Variants in MTARC2 observed in about 807,000 individuals in gnomAD.
MTARC2 encodes mitochondrial amidoxime reducing component 2, also known as MOCO sulphurase C-terminal domain containing 2.
In MTARC2, 27 loss-of-function variants were observed where a neutral mutation model predicts 35.6. The ratio of observed to expected loss-of-function variants is 0.76; its 90% CI spans 0.56 to 1.04. The LOEUF (loss-of-function observed/expected upper bound fraction) is 1.04. Ranked by LOEUF, MTARC2 falls within the 50% of genes least tolerant of loss-of-function variation. MTARC2 has a pLI of 0.00. For synonymous variants in MTARC2, 158 were observed against 167.1 expected (o/e 0.95, Z 0.42); for missense variants, 412 against 432.5 (o/e 0.95, Z 0.42).
At chr1:220,750,486 A>G (rs1486229460) in intron 1 of MTARC2, among the ~76,000 whole-genome samples, 2 of 152,226 alleles carry the variant, frequency 1.3e-5, no homozygotes, top group Non-Finnish European at 2.9e-5. Flanking sequence ...CCATGGAAAG[A>G]AAATACGTGT....
chr1:220,759,447 C>T (rs1021003207), intron 2 of MTARC2, among the ~76,000 whole-genome samples: 2 of 152,034 alleles, frequency 1.3e-5, no homozygotes, highest in African/African-American at 4.8e-5. Context: ...CGATACCATC[C>T]AGTGCAGGGA....
intron 4 of MTARC2, among the ~76,000 whole-genome samples, chr1:220,776,247 G>C (rs1671908317): frequency 1.3e-5 from 2 of 151,602 alleles, no homozygotes. Context: ...GTTCATTGTG[G>C]TTTCGATTTG....
At chr1:220,769,291 A>G (rs545269856) in intron 4 of MTARC2, among the ~76,000 whole-genome samples, 40 of 152,298 alleles carry the variant, frequency 2.6e-4, no homozygotes, top group Admixed American at 2.1e-3. Context: ...CTTTCTTATC[A>G]CTACACCCAG....
chr1:220,757,767 G>T (rs193025257), intron 2 of MTARC2, among the ~76,000 whole-genome samples: 13 of 152,274 alleles, frequency 8.5e-5, no homozygotes, highest in African/African-American at 3.1e-4. Context: ...CACATTGGGG[G>T]TGAGGGTGTC....
intron 4 of MTARC2, among the ~76,000 whole-genome samples, chr1:220,776,142 C>T (rs899543979): frequency 1.3e-5 from 2 of 152,166 alleles, no homozygotes; most frequent in African/African-American, 4.8e-5. Flanking sequence ...ACATTCCTAC[C>T]AACAGTATAT....
At chr1:220,754,487 C>T in intron 1 of MTARC2, 2 of 454,810 alleles carry the variant, frequency 4.4e-6, no homozygotes, top group Admixed American at 4.7e-5. Flanking sequence ...AGCAACATTG[C>T]AAGACCTTTG....
rs994300040 is a variant in MTARC2 at position 220,781,973 on chromosome 1, C to A, written c.*31+41C>A. On this transcript the variant is annotated intron_variant, in intron 7 of 7. Coordinates refer to ENST00000366913, the MANE Select transcript of MTARC2 (RefSeq NM_017898.5). ...TGCTTCTGAATACGCTGTCTTGAAG[C>A]CATTGCTGCATTTTCTTGTGTTAAT... 3.4e-6 allele frequency: 5 copies of A among 1,481,538 alleles called. No individual in the cohort carries two copies. The African/African-American group carries it at 4.2e-5, about 13-fold the overall frequency. 91.8% of individuals were successfully genotyped at this position (1,481,538 alleles called of 1,614,324 possible).
In MTARC2 at chr1:220,754,970, A is replaced by C; in HGVS notation, c.296A>C (p.Asp99Ala). 2.5e-6 allele frequency: 4 copies of C among 1,599,978 alleles called. No homozygotes were observed. Among genetic ancestry groups the C allele is most frequent in the Non-Finnish European group, 3.4e-6 (4 of 1,173,688 alleles). ...RDRFWLVIKE[D>A]GHMVTARQEP... Reference sequence around the variant, plus strand: ...AGGTTTTGGCTGGTGATTAAGGAAGATGGACACATGGTCACTGCCCGACAG... The same window carrying C: ...AGGTTTTGGCTGGTGATTAAGGAAGCTGGACACATGGTCACTGCCCGACAG... Residue 99 changes from aspartate to alanine, a missense_variant, in exon 2 of 8, where the codon GAT becomes GCT. Transcript: ENST00000366913.
At position 220,761,935 on chromosome 1, in the gene MTARC2, G is replaced by T; in HGVS notation, c.609+115G>T. 3 of 1,018,628 alleles carry T rather than the reference G, an allele frequency of 2.9e-6. No individual in the cohort carries two copies. In the South Asian group the frequency reaches 4.8e-5, roughly 16 times the overall value. 63.1% of individuals were successfully genotyped at this position (1,018,628 alleles called of 1,614,324 possible). A position where few individuals can be genotyped will look rare whatever the true frequency, so the allele number is the denominator to read the frequency against. ...CCTCAGTTAAGAAAATATGATAATG[G>T]CCCTGGTGAGTGATAATGAGGGCAC... On this transcript the variant is annotated intron_variant, in intron 3 of 7. Coordinates refer to ENST00000366913, the MANE Select transcript of MTARC2 (RefSeq NM_017898.5).
chr1:220,759,939 A>C (rs1671394915), intron 2 of MTARC2, among the ~76,000 whole-genome samples: 1 of 152,150 alleles, frequency 6.6e-6, no homozygotes, highest in Non-Finnish European at 1.5e-5. Flanking sequence ...GGTTCATCTA[A>C]CTGGGAGCAC....
chr1:220,781,880 C>T lies in MTARC2; in HGVS notation c.987C>T (p.Asp329=), dbSNP rs770157265. The part of the protein sequence containing the change: ...VEKIGSLRVG[D]PVYRMV ...AAATTGGAAGCCTGAGAGTTGGTGA[C>T]CCTGTGTATCGGATGGTGTAGTGAT... Residue 329 remains aspartate, a synonymous_variant, in exon 7 of 8, where the codon GAC becomes GAT. Coordinates refer to ENST00000366913, the MANE Select transcript of MTARC2 (RefSeq NM_017898.5). 2 of 1,614,142 alleles carry T rather than the reference C, an allele frequency of 1.2e-6. No individual in the cohort carries two copies. Among genetic ancestry groups the T allele is most frequent in the Non-Finnish European group, 1.7e-6 (2 of 1,180,004 alleles).
intron 4 of MTARC2, among the ~76,000 whole-genome samples, chr1:220,763,881 C>T (rs936005572): frequency 1.5e-4 from 23 of 152,298 alleles, no homozygotes; most frequent in African/African-American, 4.8e-4. Context: ...AAATGAAACT[C>T]AGAGGTGTTA....
intron 1 of MTARC2, among the ~76,000 whole-genome samples, chr1:220,752,854 C>T (rs767174579): frequency 1.2e-4 from 18 of 151,016 alleles, no homozygotes; most frequent in Non-Finnish European, 1.8e-4. Context: ...GTCTCCCTCT[C>T]TCTTGATATT....
chr1:220,754,821 TG>T, intron 1 of MTARC2, 125 bp from the exon 2 acceptor site: 1 of 926,494 alleles, frequency 1.1e-6, no homozygotes, highest in Non-Finnish European at 1.6e-6. Flanking sequence ...GATAATTGTC[TG>T]GAAAATGATT....
At position 220,748,487 on chromosome 1, in the gene MTARC2, C is replaced by A. The variant is rs941488854; in HGVS notation, c.-45C>A. 6 of 1,352,202 alleles carry A rather than the reference C, an allele frequency of 4.4e-6. No individual in the cohort carries two copies. The highest frequency in any genetic ancestry group is 1.8e-5 in the South Asian group (1 of 54,948). 83.8% of individuals were successfully genotyped at this position (1,352,202 alleles called of 1,614,324 possible). ...CCTCCTCGTCCTCCCGGTCTCCGGT[C>A]GCTGCCGGGTCTGTGCGCCGGTCCG... On this transcript the variant is annotated 5_prime_UTR_variant, in exon 1 of 8. Transcript: ENST00000366913.
intron 1 of MTARC2, 28 bp from the exon 2 acceptor site, chr1:220,754,919 G>C (rs1282330925): frequency 1.3e-6 from 2 of 1,542,036 alleles, no homozygotes; most frequent in South Asian, 1.3e-5. Context: ...AGGATTTTCT[G>C]AGTGTGCCCT....
chr1:220,748,742 G>A lies in MTARC2; in HGVS notation c.211G>A (p.Val71Met), dbSNP rs780166713. The A allele has an allele frequency of 2.3e-5, 37 of 1,600,450 alleles. No individual in the cohort carries two copies. Among genetic ancestry groups the A allele is most frequent in the Non-Finnish European group, 2.9e-5 (34 of 1,173,898 alleles). ...WIYPVKSCKG[V>M]PVSEAECTAM... The stretch of plus-strand genomic sequence containing the variant: ...CTACCCGGTGAAATCCTGCAAAGGG[G>A]TGCCGGTGAGCGAGGCTGAGTGCAC... The change falls in exon 1 of 8, where the codon GTG (valine) becomes ATG (methionine). Residue 71 changes from valine to methionine, a missense_variant. By Grantham distance (21) the Val-to-Met change is conservative. Coordinates refer to ENST00000366913, the MANE Select transcript of MTARC2 (RefSeq NM_017898.5).
At chr1:220,776,922 G>A (rs1223692860) in intron 4 of MTARC2, among the ~76,000 whole-genome samples, 2 of 152,176 alleles carry the variant, frequency 1.3e-5, no homozygotes, top group African/African-American at 2.4e-5. Flanking sequence ...CTTCCTGGCT[G>A]CATCTCAGGC....
At chr1:220,754,780 C>A (rs778514113) in intron 1 of MTARC2, among the ~76,000 whole-genome samples, 167 bp from the exon 2 acceptor site, 11 of 152,198 alleles carry the variant, frequency 7.2e-5, no homozygotes, top group Non-Finnish European at 1.6e-4. Context: ...GGGTCACCAA[C>A]TTTTAGACCC....
Sources: gnomAD v4.1 joint callset for allele counts (sites outside exome capture counted in the v4.1 genomes callset) on GRCh38, gnomAD v4.1.1 for gene constraint, MANE v1.5 for transcripts, NCBI Gene and HGNC (gene_info 2026-07-23, HGNC 2026-07-21) for gene names.